Variants in CACNA1C observed in about 807,000 individuals in gnomAD.
CACNA1C encodes the protein calcium voltage-gated channel subunit alpha1 C, also known as voltage-dependent L-type calcium channel subunit alpha-1C.
In CACNA1C, 30 loss-of-function variants were observed where a neutral mutation model predicts 229.0. That is an observed-to-expected ratio of 0.13 (90% CI 0.10 to 0.18). CACNA1C has a LOEUF of 0.18. Among genes scored for constraint, CACNA1C ranks in the 10% least tolerant of loss-of-function variants. The pLI, the probability that CACNA1C is intolerant of heterozygous loss-of-function variation, is 1.00. For synonymous variants in CACNA1C, 1,114 were observed against 1,132.5 expected (o/e 0.98, Z 0.33); for missense variants, 1,658 against 2,845.0 (o/e 0.58, Z 9.49).
chr12:2,414,994 C>A (rs893014180), intron 3 of CACNA1C, among the ~76,000 whole-genome samples: 2 of 152,166 alleles, frequency 1.3e-5, no homozygotes, highest in Admixed American at 1.3e-4. Flanking sequence ...GGGCTCTCTT[C>A]CCCAAGGCAC....
At chr12:2,367,868 C>T (rs1415405814) in intron 3 of CACNA1C, among the ~76,000 whole-genome samples, 1 of 151,536 alleles carries the variant, frequency 6.6e-6, no homozygotes, top group African/African-American at 2.4e-5. Context: ...TACAGAAGAA[C>T]ATTAAAGTTA....
Position 2,595,874 on chromosome 12 carries a change from G to C in CACNA1C, c.2664G>C (p.Arg888Ser), listed in dbSNP as rs754046062. The change falls in exon 20 of 47, where the codon AGG (arginine) becomes AGC (serine). Residue 888 changes from arginine to serine, a missense_variant and splice_region_variant. Arg to Ser is a moderately radical substitution (Grantham distance 110). Transcript: ENST00000399655. This position sits in a 1 kb window ranked among gnomAD's most constrained non-coding sequence, Gnocchi z 4.1. ...SAFFIFSSNN[R>S]FRLQCHRIVN... ...TCCTCCTGTCCCCTCTCCCGTACAG[G>C]TTTCGCCTCCAGTGCCACCGCATTG... 4 of 1,613,264 alleles carry C rather than the reference G, an allele frequency of 2.5e-6. No homozygotes were observed. The highest frequency in any genetic ancestry group is 2.2e-5 in the East Asian group (1 of 44,838).
At chr12:2,320,097 G>A (rs540500648) in intron 3 of CACNA1C, among the ~76,000 whole-genome samples, 1 of 152,252 alleles carries the variant, frequency 6.6e-6, no homozygotes, top group African/African-American at 2.4e-5. Flanking sequence ...TCAGGCCATT[G>A]GGTGTGTCCC....
chr12:2,615,333 T>A lies in CACNA1C; in HGVS notation c.3828+3320T>A, dbSNP rs140729576. Among the ~76,000 whole-genome samples the A allele has an allele frequency of 6.0e-4, 91 of 152,336 alleles. 1 individual carries two copies. The highest frequency in any genetic ancestry group is 2.1e-3 in the African/African-American group (89 of 41,576). On this transcript the variant is annotated intron_variant, in intron 29 of 46. Coordinates refer to ENST00000399655, the MANE Select transcript of CACNA1C (RefSeq NM_000719.7). The stretch of plus-strand genomic sequence containing the variant: ...AGGAAAATAAATTTTGAAGATACTC[T>A]TATAGATTTGATAAACTGAAAAATA...
chr12:2,418,226 C>G (rs1169625487), intron 3 of CACNA1C, among the ~76,000 whole-genome samples: 1 of 152,188 alleles, frequency 6.6e-6, no homozygotes, highest in African/African-American at 2.4e-5. Flanking sequence ...TTTGGAGCCT[C>G]TGCTGCCCCA....
In CACNA1C at chr12:2,485,827, GT is replaced by G. The variant is rs888757416; in HGVS notation, c.758-275del. The stretch of plus-strand genomic sequence containing the variant: ...AGATGGGGTATTACACAATTTGACA[GT>G]TATGGATGGAAACAACATGTTCTTC... On this transcript the variant is annotated intron_variant, in intron 5 of 46. Coordinates refer to ENST00000399655, the MANE Select transcript of CACNA1C (RefSeq NM_000719.7). 3.3e-5 allele frequency among the ~76,000 whole-genome samples: 5 copies of G among 152,212 alleles called. No homozygotes were observed. In the South Asian group the frequency reaches 1.0e-3, roughly 32 times the overall value.
intron 3 of CACNA1C, among the ~76,000 whole-genome samples, chr12:2,426,711 T>C (rs2099035652): frequency 6.6e-6 from 1 of 152,226 alleles, no homozygotes; most frequent in South Asian, 2.1e-4. Context: ...TGATCTTGGT[T>C]TGGTGTTCAA....
At chr12:2,113,848 A>G (rs1015470595) in intron 1 of CACNA1C, among the ~76,000 whole-genome samples, 2 of 152,186 alleles carry the variant, frequency 1.3e-5, no homozygotes, top group Admixed American at 6.5e-5. Context: ...TGCCAAGCAT[A>G]TGTGCTGTCT....
chr12:2,485,650 G>A (rs1219823450), intron 5 of CACNA1C, among the ~76,000 whole-genome samples: 1 of 152,302 alleles, frequency 6.6e-6, no homozygotes, highest in East Asian at 1.9e-4. Context: ...TTGTACAACT[G>A]TCATCACCAT....
intron 8 of CACNA1C, among the ~76,000 whole-genome samples, chr12:2,506,934 A>G (rs2099773193): frequency 6.6e-6 from 1 of 152,194 alleles, no homozygotes; most frequent in Non-Finnish European, 1.5e-5. Context: ...CTGCCCAGGA[A>G]TCAAAGCAGT....
intron 3 of CACNA1C, among the ~76,000 whole-genome samples, chr12:2,360,738 C>G (rs1323664747): frequency 6.6e-6 from 1 of 152,224 alleles, no homozygotes; most frequent in Non-Finnish European, 1.5e-5. Context: ...CCAGCTCTAC[C>G]TTTCTGTCTC....
chr12:2,180,766 T>C (rs1045785511), intron 3 of CACNA1C, among the ~76,000 whole-genome samples: 3 of 152,188 alleles, frequency 2.0e-5, no homozygotes, highest in Non-Finnish European at 4.4e-5. Context: ...TCTCTTAAAG[T>C]ATAGTTTTTA....
chr12:1,991,356 AC>A (rs1317811156), intron 1 of CACNA1C: 5 of 414,196 alleles, frequency 1.2e-5, no homozygotes, highest in African/African-American at 2.1e-5. Context: ...AATATGAAAA[AC>A]AAATTAAAAT....
intron 3 of CACNA1C, among the ~76,000 whole-genome samples, chr12:2,428,974 C>T (rs569221916): frequency 9.2e-5 from 14 of 152,310 alleles, no homozygotes; most frequent in African/African-American, 3.4e-4. Context: ...AAAATGTATA[C>T]TTTTGTATCC....
Position 2,679,177 on chromosome 12 carries a change from A to G in CACNA1C, c.5092-267A>G, listed in dbSNP as rs1466726766. Among the ~76,000 whole-genome samples, 1 of 152,114 alleles carries G rather than the reference A, an allele frequency of 6.6e-6. No individual in the cohort carries two copies. Among genetic ancestry groups the G allele is most frequent in the Non-Finnish European group, 1.5e-5 (1 of 68,010 alleles). ...CGTACCAGCGGCAGCCCCTTGCCCA[A>G]TCCCATCCCCACTGGTGGGTGGGTT... On this transcript the variant is annotated intron_variant, in intron 41 of 46. Coordinates refer to ENST00000399655, the MANE Select transcript of CACNA1C (RefSeq NM_000719.7). The surrounding 1 kb of genome is among the most constrained non-coding windows in gnomAD (Gnocchi z 5.5).
chr12:2,120,180 GTTTC>G, intron 2 of CACNA1C, 141 bp from the exon 3 acceptor site: 1 of 661,470 alleles, frequency 1.5e-6, no homozygotes, highest in Non-Finnish European at 2.7e-6. Context: ...AAAGGCATAT[GTTTC>G]TTTTCAGAAT....
At chr12:2,556,908 G>T (rs774973963) in intron 10 of CACNA1C, 43 bp from the exon 11 acceptor site, 7 of 1,572,118 alleles carry the variant, frequency 4.5e-6, no homozygotes, top group Non-Finnish European at 5.3e-6. Flanking sequence ...TTAAATGCAC[G>T]TGTGTGTCCA....
At chr12:2,317,311 A>G (rs1372014094) in intron 3 of CACNA1C, among the ~76,000 whole-genome samples, 1 of 152,246 alleles carries the variant, frequency 6.6e-6, no homozygotes, top group African/African-American at 2.4e-5. Context: ...TGTGATTGCA[A>G]GCTTTAAAAA....
chr12:2,023,748 G>A (rs1462609243), intron 1 of CACNA1C, among the ~76,000 whole-genome samples: 1 of 152,094 alleles, frequency 6.6e-6, no homozygotes, highest in African/African-American at 2.4e-5. Context: ...CTAAGTAAAT[G>A]CAGCTCACAG....
Sources: allele counts gnomAD v4.1 joint callset (sites outside exome capture counted in the v4.1 genomes callset), GRCh38; gene constraint gnomAD v4.1.1; non-coding constraint Gnocchi (gnomAD v3.1); transcripts MANE v1.5; gene names NCBI Gene and HGNC (gene_info 2026-07-23, HGNC 2026-07-21).